Variants in ENTPD5 observed in about 807,000 individuals in gnomAD.
ENTPD5 encodes the protein ectonucleoside triphosphate diphosphohydrolase 5 (inactive).
In ENTPD5, 49 loss-of-function variants were observed where a neutral mutation model predicts 60.2. The observed-to-expected ratio is 0.81, with a 90% CI of 0.65 to 1.03. ENTPD5 has a LOEUF of 1.03. ENTPD5 is among the 50% of genes least tolerant of loss of function. The pLI is 0.00. For missense variants in ENTPD5, 480 were observed against 507.6 expected, an observed-to-expected ratio of 0.95 and a Z score of 0.52; for synonymous variants, 187 against 185.4, an observed-to-expected ratio of 1.01 and a Z score of -0.07.
In ENTPD5 at chr14:73,987,986, G is replaced by T; in HGVS notation, c.117C>A (p.Cys39Ter). Residue 39 changes from cysteine (C) to a stop codon, truncating the protein, a stop_gained, in exon 4 of 16, where the codon TGC becomes TGA. Coordinates refer to ENST00000334696, the MANE Select transcript of ENTPD5 (RefSeq NM_001249.5). LOFTEE classifies it high-confidence loss of function. ...AGGTGCTGGCGCTGACATTGATGGG[G>T]CACATGGAAGACAGGAAGATACCCT... Reference protein sequence around the residue: ...WFEGIFLSSMCPINVSASTLY... With the variant: ...WFEGIFLSSM 6.2e-7 allele frequency: 1 copy of T among 1,614,098 alleles called. No homozygotes were observed. The highest frequency in any genetic ancestry group is 1.1e-5 in the South Asian group (1 of 91,058).
At chr14:73,989,662 C>T (rs1363835574) in intron 3 of ENTPD5, among the ~76,000 whole-genome samples, 3 of 151,804 alleles carry the variant, frequency 2.0e-5, no homozygotes, top group Non-Finnish European at 4.4e-5. Flanking sequence ...GGTGAAACCC[C>T]GCCTCTACAA....
intron 3 of ENTPD5, among the ~76,000 whole-genome samples, chr14:74,005,902 T>C (rs1411724376): frequency 2.6e-5 from 4 of 152,220 alleles, no homozygotes; most frequent in African/African-American, 9.6e-5. Context: ...AGTCCTAATA[T>C]TTTACTTAAG....
chr14:73,955,484 G>A (rs1414050878), downstream of ENTPD5: 2 of 1,614,044 alleles, frequency 1.2e-6, no homozygotes. Context: ...TGCAACATGA[G>A]ATACAGAGCC....
At chr14:73,957,098 ATTATT>A (rs947472938), downstream of ENTPD5, among the ~76,000 whole-genome samples, 1 of 127,434 alleles carries the variant, frequency 7.8e-6, no homozygotes, top group African/African-American at 2.6e-5. Flanking sequence ...TATTATTATT[ATTATT>A]TTTTTTTTTT....
At chr14:73,956,975 G>C (rs1273703320), downstream of ENTPD5, among the ~76,000 whole-genome samples, 1 of 152,090 alleles carries the variant, frequency 6.6e-6, no homozygotes, top group Admixed American at 6.5e-5. Flanking sequence ...ATAGGAAATT[G>C]TCTGGAAAGT....
chr14:73,979,106 C>T (rs1312155661), intron 6 of ENTPD5, among the ~76,000 whole-genome samples: 7 of 152,164 alleles, frequency 4.6e-5, no homozygotes, highest in Non-Finnish European at 7.3e-5. Context: ...CTGGCCTTTG[C>T]ACCTGCTGTT....
rs756494856 is a variant in ENTPD5 at position 73,983,142 on chromosome 14, CCTTG to C, written c.313_316del (p.Gln105GlyfsTer3). The C allele has an allele frequency of 6.2e-7, 1 of 1,613,920 alleles. No individual in the cohort carries two copies. The highest frequency in any genetic ancestry group is 1.3e-5 in the African/African-American group (1 of 75,026). On this transcript the variant is annotated frameshift_variant, in exon 6 of 16. Coordinates refer to ENST00000334696, the MANE Select transcript of ENTPD5 (RefSeq NM_001249.5). LOFTEE classifies it high-confidence loss of function. ...TGAGTCTTTGGCCACCTCTAAGAGC[CCTTG>C]AACGGTCTCAGCACCCTTCAAAAGA...
downstream of ENTPD5, chr14:73,958,175 A>T: frequency 6.2e-7 from 1 of 1,613,976 alleles, no homozygotes; most frequent in Non-Finnish European, 8.5e-7. Context: ...ACAGGAGCAA[A>T]GCCATTCGCT....
intron 3 of ENTPD5, among the ~76,000 whole-genome samples, chr14:73,992,935 G>A (rs562989602): frequency 5.9e-5 from 9 of 152,012 alleles, no homozygotes; most frequent in Non-Finnish European, 1.0e-4. Flanking sequence ...CCTGGGAGGC[G>A]GAGGTTGCAG....
chr14:73,988,503 T>C (rs1387633857), intron 3 of ENTPD5, among the ~76,000 whole-genome samples: 2 of 152,252 alleles, frequency 1.3e-5, no homozygotes, highest in Admixed American at 6.5e-5. Context: ...TATTACAACA[T>C]TTATCATTGT....
chr14:73,995,236 C>A (rs1162661549), intron 3 of ENTPD5, among the ~76,000 whole-genome samples: 1 of 151,828 alleles, frequency 6.6e-6, no homozygotes, highest in Non-Finnish European at 1.5e-5. Flanking sequence ...TTAATAGAGA[C>A]AGGGTTTTGC....
At chr14:73,960,722 C>A, downstream of ENTPD5, 2 of 558,420 alleles carry the variant, frequency 3.6e-6, no homozygotes, top group Non-Finnish European at 5.2e-6. Context: ...TAGAAGTATG[C>A]ATAGGATGCT....
chr14:73,989,407 C>T (rs955095280), intron 3 of ENTPD5, among the ~76,000 whole-genome samples: 37 of 140,784 alleles, frequency 2.6e-4, no homozygotes, highest in Non-Finnish European at 4.4e-4. Flanking sequence ...ACTAAAAATA[C>T]AAAAATTAGG....
At chr14:73,982,983 G>T in intron 6 of ENTPD5, 35 bp downstream of exon 6, 2 of 1,604,440 alleles carry the variant, frequency 1.2e-6, no homozygotes, top group Non-Finnish European at 1.7e-6. Flanking sequence ...TAGGGAAAAG[G>T]GCAGAATGAT....
At chr14:74,007,175 C>G (rs1251185595) in intron 3 of ENTPD5, among the ~76,000 whole-genome samples, 1 of 151,846 alleles carries the variant, frequency 6.6e-6, no homozygotes, top group Non-Finnish European at 1.5e-5. Context: ...TCACTTGAGC[C>G]TAGAAGTTCA....
chr14:73,986,598 G>T, intron 5 of ENTPD5: 1 of 551,910 alleles, frequency 1.8e-6, no homozygotes, highest in Non-Finnish European at 3.2e-6. Flanking sequence ...TGTCATCCTT[G>T]CATTACCACA....
Position 73,977,052 on chromosome 14 carries a change from T to C in ENTPD5, c.525A>G (p.Leu175=). Reference sequence around the variant, plus strand: ...TCAGAAAATTCACAGTAACCCAAGCTAATATGCCTAAAAAGAAAGAAAGAC... The same window carrying C: ...TCAGAAAATTCACAGTAACCCAAGCCAATATGCCTAAAAAGAAAGAAAGAC... ...SIMDGSDEGI[L]AWVTVNFLTG... Residue 175 remains leucine, a synonymous_variant, in exon 8 of 16, where the codon TTA becomes TTG. Transcript: ENST00000334696. 6.2e-7 allele frequency: 1 copy of C among 1,613,398 alleles called. No homozygotes were observed. Among genetic ancestry groups the C allele is most frequent in the East Asian group, 2.2e-5 (1 of 44,880 alleles).
downstream of ENTPD5, chr14:73,960,905 G>A (rs1278344544): frequency 9.1e-6 from 5 of 549,972 alleles, no homozygotes; most frequent in Admixed American, 2.9e-5. Context: ...TGGCTGGTGC[G>A]TGGTTATTGA....
At chr14:73,962,018 A>C, downstream of ENTPD5, 2 of 1,214,026 alleles carry the variant, frequency 1.6e-6, no homozygotes, top group Non-Finnish European at 1.2e-6. Flanking sequence ...CACAATTTCC[A>C]CTCACTGCAG....
Sources: gnomAD v4.1 joint callset for allele counts (sites outside exome capture counted in the v4.1 genomes callset) on GRCh38, gnomAD v4.1.1 for gene constraint, MANE v1.5 for transcripts, NCBI Gene and HGNC (gene_info 2026-07-23, HGNC 2026-07-21) for gene names.